MIPEP: variants seen among roughly 807,000 people sequenced by gnomAD.
MIPEP encodes the protein mitochondrial intermediate peptidase.
MIPEP carries 79 observed loss-of-function variants against 90.3 expected under a neutral mutation model. That is an observed-to-expected ratio of 0.87 (90% confidence interval 0.73 to 1.05). The LOEUF is 1.05. Among genes scored for constraint, MIPEP ranks in the 50% least tolerant of loss-of-function variants. The pLI is 0.00. For missense variants in MIPEP, 940 were observed against 905.6 expected (o/e 1.04, Z -0.49); for synonymous variants, 334 against 315.8 (o/e 1.06, Z -0.61).
At chr13:23,853,706 A>C (rs1217357202) in intron 10 of MIPEP, among the ~76,000 whole-genome samples, 1 of 151,944 alleles carries the variant, frequency 6.6e-6, no homozygotes, top group Non-Finnish European at 1.5e-5. Flanking sequence ...GACTACAGGC[A>C]CTTGCCGCCA....
chr13:23,740,306 T>C (rs889547610), intron 18 of MIPEP, among the ~76,000 whole-genome samples: 1 of 152,088 alleles, frequency 6.6e-6, no homozygotes, highest in African/African-American at 2.4e-5. Flanking sequence ...GAAAGGTCTA[T>C]GGCTGGCTGG....
intron 1 of MIPEP, 45 bp downstream of exon 1, chr13:23,889,087 C>A: frequency 7.3e-7 from 1 of 1,366,970 alleles, no homozygotes; most frequent in Non-Finnish European, 9.4e-7. Flanking sequence ...GAGCAGGGGT[C>A]GGCTTAGCTC....
intron 16 of MIPEP, among the ~76,000 whole-genome samples, chr13:23,761,300 G>A (rs537832844): frequency 4.9e-4 from 74 of 152,210 alleles, no homozygotes; most frequent in African/African-American, 1.8e-3. Context: ...TTTTGTACAA[G>A]TTCATCACTT....
At chr13:23,833,105 A>C (rs1247883222) in intron 14 of MIPEP, among the ~76,000 whole-genome samples, 1 of 152,222 alleles carries the variant, frequency 6.6e-6, no homozygotes, top group Non-Finnish European at 1.5e-5. Context: ...GAAAGGCAGC[A>C]GGATAGAAAA....
intron 16 of MIPEP, among the ~76,000 whole-genome samples, chr13:23,775,429 T>C (rs1403677754): frequency 2.0e-5 from 3 of 152,152 alleles, no homozygotes; most frequent in African/African-American, 7.2e-5. Flanking sequence ...GCATTGACTC[T>C]TGATTCCTTA....
At position 23,865,293 on chromosome 13, in the gene MIPEP, C is replaced by T. The variant is rs1255052274; in HGVS notation, c.944-1104G>A. Among the ~76,000 whole-genome samples the T allele has an allele frequency of 2.6e-5, 4 of 152,160 alleles. No homozygotes were observed. In the South Asian group the frequency reaches 8.3e-4, roughly 31 times the overall value. ...TAATCTTTTATACAGTTTTAAGTTT[C>T]CTGCCCTCTCTTCAATTTAAGTTAT... On this transcript the variant is annotated intron_variant, in intron 7 of 18. Coordinates refer to ENST00000382172, the MANE Select transcript of MIPEP (RefSeq NM_005932.4).
intron 14 of MIPEP, among the ~76,000 whole-genome samples, chr13:23,834,496 A>ATGTT (rs2137451419): frequency 6.6e-6 from 1 of 152,300 alleles, no homozygotes; most frequent in African/African-American, 2.4e-5. Context: ...GGGCAATGGG[A>ATGTT]TGTTGCCTGA....
intron 16 of MIPEP, among the ~76,000 whole-genome samples, chr13:23,782,718 TAAA>T (rs1952793855): frequency 6.6e-6 from 1 of 151,686 alleles, no homozygotes. Flanking sequence ...GCAAGACTAA[TAAA>T]GAAGAAAAGA....
Position 23,878,187 on chromosome 13 carries a change from T to C in MIPEP, c.539+1081A>G, listed in dbSNP as rs774035826. On this transcript the variant is annotated intron_variant, in intron 4 of 18. Coordinates refer to ENST00000382172, the MANE Select transcript of MIPEP (RefSeq NM_005932.4). ...TTCCGTATAAATCTGGCACAATTAA[T>C]AGGCATTCGACTTTTCCTTGCTTTG... Among the ~76,000 whole-genome samples, 52 of 152,328 alleles carry C rather than the reference T, an allele frequency of 3.4e-4. 1 individual carries two copies. The highest frequency in any genetic ancestry group is 5.7e-4 in the Non-Finnish European group (39 of 68,028).
chr13:23,735,365 TA>T (rs199598684), intron 18 of MIPEP, among the ~76,000 whole-genome samples: 3 of 151,888 alleles, frequency 2.0e-5, no homozygotes, highest in African/African-American at 7.3e-5. Context: ...TCCTTAAAAA[TA>T]AAAAAAACTA....
At chr13:23,841,187 C>G in intron 11 of MIPEP, 148 bp downstream of exon 11, 1 of 657,750 alleles carries the variant, frequency 1.5e-6, no homozygotes. Context: ...ATCAGAAGTG[C>G]AATTTGGATT....
At chr13:23,884,181 G>A (rs1871374912) in intron 2 of MIPEP, among the ~76,000 whole-genome samples, 1 of 151,306 alleles carries the variant, frequency 6.6e-6, no homozygotes, top group African/African-American at 2.4e-5. Flanking sequence ...AAACTATAGG[G>A]AGAGAGAACA....
Position 23,862,320 on chromosome 13 carries a change from T to C in MIPEP, c.1035A>G (p.Lys345=). The change falls in exon 9 of 19, where the codon AAA becomes AAG. Residue 345 remains lysine, a synonymous_variant. Transcript: ENST00000382172. ...DFEMIRGMKM[K]LNPQNSEVMP... is the part of the protein sequence containing the mutation. ...TACTTACGGAATTTTGAGGATTCAGTTTCATTTTCATCCCTCGTATCATCT... is the reference window on the plus strand; with the variant it reads ...TACTTACGGAATTTTGAGGATTCAGCTTCATTTTCATCCCTCGTATCATCT... 1 of 1,580,718 alleles carries C rather than the reference T, an allele frequency of 6.3e-7. No individual in the cohort carries two copies. The highest frequency in any genetic ancestry group is 8.7e-7 in the Non-Finnish European group (1 of 1,156,046).
intron 7 of MIPEP, among the ~76,000 whole-genome samples, chr13:23,867,486 T>C (rs1870594508): frequency 6.6e-6 from 1 of 152,154 alleles, no homozygotes; most frequent in African/African-American, 2.4e-5. Context: ...TCCCCTTCCC[T>C]GTTCAGTTTT....
chr13:23,860,022 T>G (rs1264072517), intron 9 of MIPEP, among the ~76,000 whole-genome samples: 1 of 152,242 alleles, frequency 6.6e-6, no homozygotes, highest in Non-Finnish European at 1.5e-5. Context: ...ACACATTTTC[T>G]CTAACAGATG....
rs1284506886 is a variant in MIPEP at position 23,818,053 on chromosome 13, C to CA, written c.1654-8130_1654-8129insT. Among the ~76,000 whole-genome samples, 1,253 of 151,928 alleles carry CA rather than the reference C, an allele frequency of 8.2e-3. 16 individuals are homozygous for CA. Among genetic ancestry groups the CA allele is most frequent in the African/African-American group, 0.029 (1,210 of 41,370 alleles). On this transcript the variant is annotated intron_variant, in intron 14 of 18. Transcript: ENST00000382172. Reference sequence around the variant, plus strand: ...ACTCCGTGTCATTGTCACAGTTGGGCCATACACTTAGTTCTGGGTTTTGCA... The same window carrying CA: ...ACTCCGTGTCATTGTCACAGTTGGGCACATACACTTAGTTCTGGGTTTTGCA...
intron 9 of MIPEP, among the ~76,000 whole-genome samples, chr13:23,861,893 G>T (rs560292199): frequency 1.3e-5 from 2 of 152,154 alleles, no homozygotes; most frequent in South Asian, 4.2e-4. Context: ...ACTCAATTGG[G>T]CACCATAAAT....
At chr13:23,785,848 T>G (rs758637833) in intron 16 of MIPEP, among the ~76,000 whole-genome samples, 2 of 150,882 alleles carry the variant, frequency 1.3e-5, no homozygotes, top group Non-Finnish European at 3.0e-5. Context: ...GAGAAACAAA[T>G]CTTGTTGCAT....
intron 16 of MIPEP, 124 bp from the exon 17 acceptor site, chr13:23,760,341 G>C: frequency 8.2e-7 from 1 of 1,223,780 alleles, no homozygotes; most frequent in Non-Finnish European, 1.2e-6. Context: ...TTTTACCCTA[G>C]AAGGCTACGT....
Sources: allele counts gnomAD v4.1 joint callset (sites outside exome capture counted in the v4.1 genomes callset), GRCh38; gene constraint gnomAD v4.1.1; transcripts MANE v1.5; gene names NCBI Gene and HGNC (gene_info 2026-07-23, HGNC 2026-07-21).